HS6ST2: variants seen among roughly 807,000 people sequenced by gnomAD.
The protein encoded by HS6ST2 is heparan sulfate 6-O-sulfotransferase 2, also known as heparan-sulfate 6-O-sulfotransferase 2.
Under a neutral mutation model 33.0 loss-of-function variants are expected in HS6ST2, and 17 were observed. The ratio of observed to expected loss-of-function variants is 0.52; its 90% CI spans 0.35 to 0.77. HS6ST2 has a LOEUF of 0.77. HS6ST2 is among the 30% of genes least tolerant of loss of function. The pLI is 0.01. For synonymous variants in HS6ST2, 248 were observed against 237.1 expected (o/e 1.05, Z -0.42); for missense variants, 519 against 551.7 (o/e 0.94, Z 0.59).
At chrX:132,761,570 TG>T (rs1259325766) in intron 2 of HS6ST2, among the ~76,000 whole-genome samples, 1 of 112,413 alleles carries the variant, frequency 8.9e-6, no homozygotes, top group Non-Finnish European at 1.9e-5. Flanking sequence ...TACTTCCCTG[TG>T]GGCAGAGGCA....
chrX:132,775,136 A>G (rs2064944636), intron 2 of HS6ST2, among the ~76,000 whole-genome samples: 1 of 111,379 alleles, frequency 9.0e-6, no homozygotes, highest in South Asian at 3.8e-4. Flanking sequence ...CTAAATATAC[A>G]GCTTCTCTGC....
rs777280504 is a variant in HS6ST2 at position 132,681,554 on chromosome X, G to A, written c.981-12355C>T. On this transcript the variant is annotated intron_variant, in intron 3 of 4. Transcript: ENST00000370833. ...TATCCCAGCAATTCGGGAGGCCAAG[G>A]CAGGAGGATCAATTGAGGCCAGGAG... 8.0e-5 allele frequency among the ~76,000 whole-genome samples: 9 copies of A among 111,882 alleles called. No individual in the cohort carries two copies. In the South Asian group the frequency reaches 3.4e-3, roughly 42 times the overall value.
intron 4 of HS6ST2, among the ~76,000 whole-genome samples, chrX:132,659,402 A>G (rs1460500875): frequency 9.0e-6 from 1 of 111,467 alleles, no homozygotes; most frequent in Non-Finnish European, 1.9e-5. Flanking sequence ...CCCACTTCCC[A>G]TTCTTAGGTT....
chrX:132,820,305 C>A (rs944885744), intron 2 of HS6ST2, among the ~76,000 whole-genome samples: 1 of 111,141 alleles, frequency 9.0e-6, no homozygotes, highest in Non-Finnish European at 1.9e-5. Flanking sequence ...AGATGAAAGA[C>A]CCTAATAGAT....
Position 132,788,534 on chromosome X carries a change from G to A in HS6ST2, c.948-80040C>T, listed in dbSNP as rs149365476. Among the ~76,000 whole-genome samples, 425 of 111,842 alleles carry A rather than the reference G, an allele frequency of 3.8e-3. 1 individual carries two copies. The highest frequency in any genetic ancestry group is 0.013 in the African/African-American group (401 of 30,807). ...AACTACCCTACAATGGTCTCTAAGT[G>A]TTCAAGTGAAAGAAAGAGTCCCACA... On this transcript the variant is annotated intron_variant, in intron 2 of 4. Transcript: ENST00000370833.
At chrX:132,665,794 A>G (rs769850379) in intron 4 of HS6ST2, among the ~76,000 whole-genome samples, 11 of 110,437 alleles carry the variant, frequency 1.0e-4, no homozygotes, top group African/African-American at 3.6e-4. Flanking sequence ...CTGTTGGCAT[A>G]GAAGAAACTG....
chrX:132,815,111 T>A (rs1340043573), intron 2 of HS6ST2, among the ~76,000 whole-genome samples: 1 of 112,171 alleles, frequency 8.9e-6, no homozygotes, highest in Non-Finnish European at 1.9e-5. Flanking sequence ...ATCATTTTTA[T>A]ACCTAGCCCC....
intron 2 of HS6ST2, among the ~76,000 whole-genome samples, chrX:132,856,765 A>T (rs1206013045): frequency 8.9e-6 from 1 of 112,377 alleles, no homozygotes; most frequent in African/African-American, 3.2e-5. Context: ...CAACATCCCC[A>T]AAATAAACAC....
chrX:132,627,144 G>T lies in HS6ST2; in HGVS notation c.*1079C>A, dbSNP rs1008587083. ...TACAATAGAGATGTACAAAAAGTAA[G>T]TAAGAGTTCACATTTTAGGTTAAAT... is the stretch of plus-strand genomic sequence containing the variant. On this transcript the variant is annotated 3_prime_UTR_variant, in exon 5 of 5. Transcript: ENST00000370833. 8.9e-6 allele frequency: 1 copy of T among 112,582 alleles called. No individual in the cohort carries two copies. Among genetic ancestry groups the T allele is most frequent in the Non-Finnish European group, 1.9e-5 (1 of 53,222 alleles). The allele number at this position is 112,582 out of a possible 1,213,427, so 9.3% of individuals were successfully genotyped here. A position where few individuals can be genotyped will look rare whatever the true frequency, so the allele number is the denominator to read the frequency against.
intron 2 of HS6ST2, among the ~76,000 whole-genome samples, chrX:132,760,389 T>C (rs1370712977): frequency 1.8e-5 from 2 of 111,193 alleles, no homozygotes; most frequent in Non-Finnish European, 3.8e-5. Context: ...CGACATCTGA[T>C]GTTTTTATAA....
intron 3 of HS6ST2, among the ~76,000 whole-genome samples, chrX:132,691,547 A>G (rs2064063553): frequency 8.9e-6 from 1 of 111,975 alleles, no homozygotes; most frequent in South Asian, 3.8e-4. Context: ...TATTTATTAC[A>G]TATCTGGAAG....
chrX:132,886,130 A>G (rs1054550241), intron 2 of HS6ST2, among the ~76,000 whole-genome samples: 1 of 112,096 alleles, frequency 8.9e-6, no homozygotes, highest in African/African-American at 3.2e-5. Context: ...TGAGAACTTC[A>G]AAAGACCTCT....
At chrX:132,837,721 CCG>C (rs1346770142) in intron 2 of HS6ST2, among the ~76,000 whole-genome samples, 2 of 112,000 alleles carry the variant, frequency 1.8e-5, no homozygotes, top group East Asian at 5.7e-4. Context: ...TCAAATTGTT[CCG>C]CACACTTCTA....
At chrX:132,819,261 T>C (rs1205283837) in intron 2 of HS6ST2, among the ~76,000 whole-genome samples, 1 of 111,234 alleles carries the variant, frequency 9.0e-6, no homozygotes, top group Non-Finnish European at 1.9e-5. Context: ...TGGGGAACCA[T>C]TCCTCAGTAC....
intron 2 of HS6ST2, among the ~76,000 whole-genome samples, chrX:132,803,328 G>GACACCC (rs1341973398): frequency 9.0e-6 from 1 of 111,574 alleles, no homozygotes. Context: ...TGACCTAATG[G>GACACCC]ACACCCATAC....
rs1428285757 is a variant in HS6ST2, at chrX:132,637,934, TATA to T, written c.1068-8844_1068-8842del. ...TATAATATTTTATATATATATTATA[TATA>T]ATATTTTATATATAATATATATAAA... On this transcript the variant is annotated intron_variant, in intron 4 of 4. Transcript: ENST00000370833. 3.4e-3 allele frequency among the ~76,000 whole-genome samples: 245 copies of T among 72,479 alleles called. 1 individual carries two copies. The highest frequency in any genetic ancestry group is 5.0e-3 in the Non-Finnish European group (203 of 40,598). 62.9% of individuals were successfully genotyped at this position (72,479 alleles called of 115,157 possible).
chrX:132,886,075 A>T (rs1300280382), intron 2 of HS6ST2, among the ~76,000 whole-genome samples: 1 of 111,786 alleles, frequency 8.9e-6, no homozygotes, highest in Non-Finnish European at 1.9e-5. Context: ...AAAACAAAGC[A>T]ATCAATAAAG....
In HS6ST2 at chrX:132,628,206, A is replaced by C; in HGVS notation, c.*17T>G. On this transcript the variant is annotated 3_prime_UTR_variant, in exon 5 of 5. Coordinates refer to ENST00000370833, the MANE Select transcript of HS6ST2 (RefSeq NM_001394073.1). ...GTGGCGCTTTGGGAGAAGTATGTAC[A>C]GGCCTTTTTGAGCCATTTAACGCCA... 9.2e-7 allele frequency: 1 copy of C among 1,085,134 alleles called. No homozygotes were observed. The highest frequency in any genetic ancestry group is 2.7e-5 in the Admixed American group (1 of 37,102). The allele number at this position is 1,085,134 out of a possible 1,213,427, so 89.4% of individuals were successfully genotyped here. A position where few individuals can be genotyped will look rare whatever the true frequency, so the allele number is the denominator to read the frequency against.
intron 2 of HS6ST2, among the ~76,000 whole-genome samples, chrX:132,820,623 G>A (rs2065443204): frequency 8.9e-6 from 1 of 111,934 alleles, no homozygotes; most frequent in South Asian, 3.8e-4. Flanking sequence ...TGGGCAAAAG[G>A]AGCTTCAGAT....
Sources: gnomAD v4.1 joint callset for allele counts (sites outside exome capture counted in the v4.1 genomes callset) on GRCh38, gnomAD v4.1.1 for gene constraint, MANE v1.5 for transcripts, NCBI Gene and HGNC (gene_info 2026-07-23, HGNC 2026-07-21) for gene names.